CAPZB: variants seen among roughly 807,000 people sequenced by gnomAD.
CAPZB encodes capping actin protein of muscle Z-line subunit beta, also known as F-actin-capping protein subunit beta.
In CAPZB, 2 loss-of-function variants were observed where a neutral mutation model predicts 38.1. The ratio of observed to expected loss-of-function variants is 0.05; its 90% confidence interval spans 0.02 to 0.17. The LOEUF (loss-of-function observed/expected upper bound fraction) is 0.17, where lower values mean the gene tolerates loss of function less well. CAPZB is among the 10% of genes least tolerant of loss of function. The probability of loss-of-function intolerance (pLI) is 1.00; values close to 1 mark genes in which losing one functional copy is unlikely to be tolerated. For missense variants in CAPZB, 161 were observed against 334.2 expected, an observed-to-expected ratio of 0.48 and a Z score of 4.04; for synonymous variants, 107 against 127.4, an observed-to-expected ratio of 0.84 and a Z score of 1.08.
chr1:19,402,034 G>T (rs2094305891), intron 2 of CAPZB, among the ~76,000 whole-genome samples: 2 of 152,186 alleles, frequency 1.3e-5, no homozygotes, highest in South Asian at 2.1e-4. Flanking sequence ...TATGAGAAGG[G>T]TTGCCAAATC....
intron 1 of CAPZB, among the ~76,000 whole-genome samples, chr1:19,442,929 G>A (rs542671774): frequency 1.6e-4 from 24 of 152,218 alleles, no homozygotes; most frequent in African/African-American, 5.8e-4. Context: ...CAGTGGTGCT[G>A]AAGGAGGCCT....
At chr1:19,464,250 C>T (rs571997606) in intron 1 of CAPZB, among the ~76,000 whole-genome samples, 41 of 149,676 alleles carry the variant, frequency 2.7e-4, no homozygotes, top group African/African-American at 9.1e-4. Flanking sequence ...GAAAGAAAAC[C>T]GAAAAAGAAA....
At chr1:19,469,791 C>T (rs1201690020) in intron 1 of CAPZB, among the ~76,000 whole-genome samples, 1 of 151,880 alleles carries the variant, frequency 6.6e-6, no homozygotes, top group Non-Finnish European at 1.5e-5. Context: ...CACACGCCCG[C>T]CCACTGCAAG....
intron 4 of CAPZB, among the ~76,000 whole-genome samples, chr1:19,370,652 G>A (rs1430931571): frequency 2.6e-5 from 4 of 152,146 alleles, no homozygotes; most frequent in African/African-American, 7.2e-5. Flanking sequence ...TTCAGACGTC[G>A]GAAGTCACTC....
intron 2 of CAPZB, among the ~76,000 whole-genome samples, chr1:19,400,340 G>A (rs1350918845): frequency 3.3e-5 from 5 of 152,272 alleles, no homozygotes; most frequent in Admixed American, 6.5e-5. Flanking sequence ...TGCGGGACAC[G>A]CAGGCTCCTC....
In CAPZB at chr1:19,387,112, C is replaced by T. The variant is rs927437769; in HGVS notation, c.94-1486G>A. 7.9e-5 allele frequency among the ~76,000 whole-genome samples: 12 copies of T among 151,406 alleles called. No individual in the cohort carries two copies. In the South Asian group the frequency reaches 8.3e-4, roughly 10 times the overall value. On this transcript the variant is annotated intron_variant, in intron 2 of 8. Transcript: ENST00000264202. ...CATATTGTTGACTTGAAAGCTCACA[C>T]GCATTCTGCAAAGTGGGTATGCAAA...
At chr1:19,463,875 T>G (rs1171035977) in intron 1 of CAPZB, among the ~76,000 whole-genome samples, 2 of 152,264 alleles carry the variant, frequency 1.3e-5, no homozygotes, top group African/African-American at 4.8e-5. Flanking sequence ...TTGCTTGTTA[T>G]GCCTAAAGAA....
intron 2 of CAPZB, among the ~76,000 whole-genome samples, chr1:19,397,478 G>A (rs950822396): frequency 5.3e-5 from 8 of 152,198 alleles, no homozygotes; most frequent in South Asian, 2.1e-4. Flanking sequence ...CCCTAAGGCC[G>A]TGCGGACTCT....
chr1:19,389,166 A>C (rs1212506411), intron 2 of CAPZB, among the ~76,000 whole-genome samples: 1 of 152,250 alleles, frequency 6.6e-6, no homozygotes, highest in East Asian at 1.9e-4. Flanking sequence ...CAGCTGCCCA[A>C]AGGTGCATTA....
At chr1:19,384,071 A>G (rs1318793671) in intron 3 of CAPZB, among the ~76,000 whole-genome samples, 1 of 152,238 alleles carries the variant, frequency 6.6e-6, no homozygotes, top group South Asian at 2.1e-4. Context: ...CTTATAAGTC[A>G]GTATTAAACT....
chr1:19,453,019 G>C (rs1005741525), intron 1 of CAPZB, among the ~76,000 whole-genome samples: 3 of 151,860 alleles, frequency 2.0e-5, no homozygotes, highest in African/African-American at 7.3e-5. Context: ...TGGCCAGGCT[G>C]GTCTCGAACT....
intron 1 of CAPZB, among the ~76,000 whole-genome samples, chr1:19,440,785 G>C (rs1570275669): frequency 6.6e-6 from 1 of 152,240 alleles, no homozygotes; most frequent in South Asian, 2.1e-4. Flanking sequence ...GCTAGGCCGG[G>C]CGCGGTGGCT....
In CAPZB at chr1:19,346,427, A is replaced by G. The variant is rs186822135; in HGVS notation, c.589-1175T>C. ...TTATAATTTTTGAAGCTTTATTAAA[A>G]TAAAATAAAATTTGTGAGAGAAGCT... is the stretch of plus-strand genomic sequence containing the variant. On this transcript the variant is annotated intron_variant, in intron 6 of 8. Coordinates refer to ENST00000264202, the MANE Select transcript of CAPZB (RefSeq NM_004930.5). Among the ~76,000 whole-genome samples the G allele has an allele frequency of 5.1e-3, 766 of 150,780 alleles. 5 individuals carry two copies. Among genetic ancestry groups the G allele is most frequent in the African/African-American group, 0.017 (698 of 40,966 alleles).
chr1:19,344,525 TG>T, intron 7 of CAPZB, 91 bp from the exon 8 acceptor site: 1 of 1,003,296 alleles, frequency 1.0e-6, no homozygotes, highest in Non-Finnish European at 1.6e-6. Flanking sequence ...CAGTCCCCAG[TG>T]TGGCCACTGG....
chr1:19,383,129 A>G (rs898063657), intron 3 of CAPZB, among the ~76,000 whole-genome samples: 4 of 151,980 alleles, frequency 2.6e-5, no homozygotes, highest in Non-Finnish European at 5.9e-5. Context: ...AAAAAAAAAA[A>G]AAAGGAGAGA....
chr1:19,383,116 C>CA (rs34245294), intron 3 of CAPZB, among the ~76,000 whole-genome samples: 3,590 of 128,184 alleles, frequency 0.028, 144 homozygotes, highest in African/African-American at 0.092. Context: ...CCCATCTCTA[C>CA]AAAAAAAAAA....
chr1:19,342,865 C>G (rs755132014), intron 8 of CAPZB: 4 of 1,573,756 alleles, frequency 2.5e-6, no homozygotes, highest in Non-Finnish European at 3.5e-6. Context: ...ATCAATAGAT[C>G]TACAGAGAGT....
At chr1:19,462,753 T>C (rs1423558952) in intron 1 of CAPZB, among the ~76,000 whole-genome samples, 3 of 152,208 alleles carry the variant, frequency 2.0e-5, no homozygotes, top group Non-Finnish European at 4.4e-5. Flanking sequence ...AAAGAAAAGT[T>C]CTCAATGGGA....
At chr1:19,422,054 C>A (rs1269061839) in intron 1 of CAPZB, among the ~76,000 whole-genome samples, 1 of 152,038 alleles carries the variant, frequency 6.6e-6, no homozygotes, top group Non-Finnish European at 1.5e-5. Context: ...ATTCTCTTGG[C>A]CAAGCAAGAA....
Sources: allele counts gnomAD v4.1 joint callset (sites outside exome capture counted in the v4.1 genomes callset), GRCh38; gene constraint gnomAD v4.1.1; transcripts MANE v1.5; gene names NCBI Gene and HGNC (gene_info 2026-07-23, HGNC 2026-07-21).